Variants in LYPLAL1 observed in about 807,000 individuals in gnomAD.
LYPLAL1 encodes the protein lysophospholipase like 1.
Under a neutral mutation model 19.7 loss-of-function variants are expected in LYPLAL1, and 23 were observed. The observed-to-expected ratio is 1.17, with a 90% CI of 0.84 to 1.65. LYPLAL1 has a LOEUF of 1.65. LYPLAL1 is among the 40% of genes most tolerant of loss of function. The probability of loss-of-function intolerance (pLI) is 0.00; values close to 1 mark genes in which losing one functional copy is unlikely to be tolerated. For synonymous variants in LYPLAL1, 119 were observed against 96.3 expected (o/e 1.24, Z -1.38); for missense variants, 355 against 279.4 (o/e 1.27, Z -1.93).
chr1:219,373,150 G>T, the LYPLAL1 span, among the ~76,000 whole-genome samples: 2 of 152,152 alleles, frequency 1.3e-5, no homozygotes, highest in Non-Finnish European at 2.9e-5. Flanking sequence ...AGTCCACATT[G>T]GTGTGCGTAC....
the LYPLAL1 span, among the ~76,000 whole-genome samples, chr1:219,378,443 T>TTACCTC: frequency 6.6e-6 from 1 of 152,094 alleles, no homozygotes; most frequent in Non-Finnish European, 1.5e-5. Flanking sequence ...CATGATTAAA[T>TTACCTC]TACCTCCCAC....
chr1:219,408,804 G>A, the LYPLAL1 span, among the ~76,000 whole-genome samples: 1 of 152,158 alleles, frequency 6.6e-6, no homozygotes, highest in African/African-American at 2.4e-5. Flanking sequence ...AAGGTCTAGT[G>A]TATATGAAAA....
the LYPLAL1 span, among the ~76,000 whole-genome samples, chr1:219,294,488 T>A: frequency 6.6e-6 from 1 of 152,176 alleles, no homozygotes; most frequent in African/African-American, 2.4e-5. Context: ...GCTCCCTTAC[T>A]TATCTCTGGT....
the LYPLAL1 span, among the ~76,000 whole-genome samples, chr1:219,281,599 C>G: frequency 6.6e-6 from 1 of 151,922 alleles, no homozygotes; most frequent in East Asian, 1.9e-4. Flanking sequence ...AACCACCCTC[C>G]CCAACACACA....
intron 3 of LYPLAL1, among the ~76,000 whole-genome samples, chr1:219,207,720 A>G (rs1339625230): frequency 1.3e-5 from 2 of 152,062 alleles, no homozygotes; most frequent in East Asian, 3.8e-4. Flanking sequence ...TTATGAGAAG[A>G]ATCAGCAACA....
At chr1:219,421,392 G>C in the LYPLAL1 span, among the ~76,000 whole-genome samples, 4 of 152,168 alleles carry the variant, frequency 2.6e-5, no homozygotes, top group Non-Finnish European at 5.9e-5. Context: ...GAGAACCCTG[G>C]AGGGTCAGCC....
the LYPLAL1 span, among the ~76,000 whole-genome samples, chr1:219,404,825 C>A: frequency 7.0e-4 from 107 of 152,260 alleles, no homozygotes; most frequent in Non-Finnish European, 1.2e-3. Flanking sequence ...TGATGGATAT[C>A]CCAATTACCA....
At chr1:219,299,140 C>CTTTTTTTTT in the LYPLAL1 span, among the ~76,000 whole-genome samples, 5 of 129,494 alleles carry the variant, frequency 3.9e-5, no homozygotes, top group Non-Finnish European at 3.2e-5. Context: ...CCTCCCCCAG[C>CTTTTTTTTT]TTTTTTTTTT....
chr1:219,297,390 A>T, the LYPLAL1 span, among the ~76,000 whole-genome samples: 1 of 152,212 alleles, frequency 6.6e-6, no homozygotes, highest in African/African-American at 2.4e-5. Context: ...GAATGCTGGA[A>T]GTTTGGTGAG....
At chr1:219,254,301 A>G in the LYPLAL1 span, among the ~76,000 whole-genome samples, 2 of 151,904 alleles carry the variant, frequency 1.3e-5, no homozygotes, top group African/African-American at 4.8e-5. Context: ...TACTGAATGT[A>G]TGAATTTGAT....
chr1:219,425,701 G>A, the LYPLAL1 span, among the ~76,000 whole-genome samples: 1 of 152,294 alleles, frequency 6.6e-6, no homozygotes, highest in East Asian at 1.9e-4. Flanking sequence ...TGCATTCAAA[G>A]TGGCTCATGA....
At chr1:219,180,659 T>G (rs1309224882) in intron 2 of LYPLAL1, among the ~76,000 whole-genome samples, 5 of 152,330 alleles carry the variant, frequency 3.3e-5, no homozygotes, top group Non-Finnish European at 7.4e-5. Flanking sequence ...TAGTGGTATT[T>G]CTGCAGGGAT....
the LYPLAL1 span, chr1:219,411,673 C>G: frequency 2.0e-5 from 3 of 152,662 alleles, no homozygotes; most frequent in Admixed American, 2.0e-4. Flanking sequence ...CTTGCTACTG[C>G]TCAGTTTTTG....
the LYPLAL1 span, among the ~76,000 whole-genome samples, chr1:219,306,841 T>TAGAC: frequency 6.9e-3 from 559 of 80,608 alleles, 5 homozygotes; most frequent in African/African-American, 0.019. Flanking sequence ...GATAGATAGA[T>TAGAC]AGATAGATAG....
the LYPLAL1 span, among the ~76,000 whole-genome samples, chr1:219,355,754 G>A: frequency 6.6e-6 from 1 of 151,812 alleles, no homozygotes; most frequent in Non-Finnish European, 1.5e-5. Context: ...TAAAAGAATT[G>A]AAACCAGAGT....
intron 2 of LYPLAL1, among the ~76,000 whole-genome samples, chr1:219,191,496 C>G (rs984965128): frequency 6.6e-6 from 1 of 151,426 alleles, no homozygotes; most frequent in African/African-American, 2.4e-5. Context: ...GCATGATGCA[C>G]ATAATAGAAT....
the LYPLAL1 span, among the ~76,000 whole-genome samples, chr1:219,353,637 GC>G: frequency 6.6e-6 from 1 of 152,132 alleles, no homozygotes; most frequent in African/African-American, 2.4e-5. Flanking sequence ...GCAGCTAATA[GC>G]CCATGTAACT....
chr1:219,425,801 T>C, the LYPLAL1 span, among the ~76,000 whole-genome samples: 9 of 152,206 alleles, frequency 5.9e-5, no homozygotes, highest in African/African-American at 2.2e-4. Flanking sequence ...TACCATATTC[T>C]ATCTAAGTAT....
At chr1:219,198,143 A>G (rs944422196) in intron 3 of LYPLAL1, among the ~76,000 whole-genome samples, 1 of 152,120 alleles carries the variant, frequency 6.6e-6, no homozygotes, top group Non-Finnish European at 1.5e-5. Flanking sequence ...AAGTCCGACA[A>G]TGTGATTGAT....
Sources: allele counts gnomAD v4.1 joint callset (sites outside exome capture counted in the v4.1 genomes callset), GRCh38; gene constraint gnomAD v4.1.1; transcripts MANE v1.5; gene names NCBI Gene and HGNC (gene_info 2026-07-23, HGNC 2026-07-21).